ENTREP2: variants seen among roughly 807,000 people sequenced by gnomAD.
ENTREP2 encodes endosomal transmembrane epsin interactor 2, also known as protein ENTREP2.
chr15:29,272,046 T>C, the ENTREP2 span, among the ~76,000 whole-genome samples: 3 of 152,272 alleles, frequency 2.0e-5, no homozygotes, highest in Admixed American at 2.0e-4. Context: ...AGCAGTGTCC[T>C]CCAGCAGCAC....
chr15:29,545,702 C>A, the ENTREP2 span, among the ~76,000 whole-genome samples: 1 of 152,266 alleles, frequency 6.6e-6, no homozygotes, highest in East Asian at 1.9e-4. Context: ...CTGAAGGCCA[C>A]CCTTGTCTCT....
the ENTREP2 span, among the ~76,000 whole-genome samples, chr15:29,502,278 G>GATC: frequency 6.6e-6 from 1 of 151,838 alleles, no homozygotes; most frequent in Non-Finnish European, 1.5e-5. Context: ...CAGTCAAATA[G>GATC]ATCAGTGAAA....
the ENTREP2 span, among the ~76,000 whole-genome samples, chr15:29,423,085 G>A: frequency 1.6e-3 from 245 of 152,266 alleles, no homozygotes; most frequent in African/African-American, 5.7e-3. Context: ...TTCATGCAGA[G>A]TCACGGTGCA....
At chr15:29,648,958 A>T in the ENTREP2 span, among the ~76,000 whole-genome samples, 1 of 151,920 alleles carries the variant, frequency 6.6e-6, no homozygotes, top group South Asian at 2.1e-4. Flanking sequence ...CAACAACAAA[A>T]AAAACTGTAC....
chr15:29,551,637 CAAT>C, the ENTREP2 span, among the ~76,000 whole-genome samples: 2 of 150,854 alleles, frequency 1.3e-5, no homozygotes, highest in African/African-American at 2.4e-5. Context: ...AAAAATAAGA[CAAT>C]GATGGGACTA....
the ENTREP2 span, among the ~76,000 whole-genome samples, chr15:29,205,003 C>T: frequency 1.3e-5 from 2 of 152,286 alleles, no homozygotes; most frequent in East Asian, 1.9e-4. Flanking sequence ...AGGCCCCCAA[C>T]AACTCCCATT....
chr15:29,185,997 C>T, the ENTREP2 span, among the ~76,000 whole-genome samples: 24 of 152,288 alleles, frequency 1.6e-4, no homozygotes, highest in Admixed American at 1.3e-3. Context: ...TGTCCTCTCC[C>T]GTTTGTTTAC....
the ENTREP2 span, among the ~76,000 whole-genome samples, chr15:29,294,700 C>T: frequency 6.6e-6 from 1 of 152,112 alleles, no homozygotes; most frequent in Non-Finnish European, 1.5e-5. Flanking sequence ...ATTAAAACGC[C>T]GTGACTTTCT....
chr15:29,262,047 AAAAT>A, the ENTREP2 span, among the ~76,000 whole-genome samples: 1 of 151,494 alleles, frequency 6.6e-6, no homozygotes, highest in Non-Finnish European at 1.5e-5. Flanking sequence ...AAATACTGAT[AAAAT>A]AAATAAACTC....
the ENTREP2 span, among the ~76,000 whole-genome samples, chr15:29,657,344 C>T: frequency 1.4e-5 from 2 of 147,144 alleles, no homozygotes; most frequent in East Asian, 1.9e-4. Flanking sequence ...TGTTACAGCT[C>T]TCAAAGACGG....
the ENTREP2 span, among the ~76,000 whole-genome samples, chr15:29,218,012 T>C: frequency 2.6e-5 from 4 of 152,128 alleles, no homozygotes; most frequent in African/African-American, 7.2e-5. Context: ...GTGATTGTTG[T>C]CTGTCTTCTG....
the ENTREP2 span, among the ~76,000 whole-genome samples, chr15:29,301,055 A>C: frequency 1.3e-5 from 2 of 151,966 alleles, no homozygotes; most frequent in African/African-American, 4.8e-5. Context: ...ACAGGTGGGA[A>C]GGATGCCTTA....
chr15:29,404,692 G>C, the ENTREP2 span, among the ~76,000 whole-genome samples: 1 of 151,592 alleles, frequency 6.6e-6, no homozygotes, highest in East Asian at 2.0e-4. Flanking sequence ...CCATCCTCCA[G>C]GGTACCCTAA....
the ENTREP2 span, among the ~76,000 whole-genome samples, chr15:29,648,530 G>A: frequency 6.6e-6 from 1 of 152,208 alleles, no homozygotes; most frequent in Non-Finnish European, 1.5e-5. Flanking sequence ...CAGCAAACAT[G>A]AAGTCGAGTA....
At chr15:29,474,402 T>C in the ENTREP2 span, among the ~76,000 whole-genome samples, 1 of 152,222 alleles carries the variant, frequency 6.6e-6, no homozygotes. Flanking sequence ...AACACTGTCA[T>C]GCTTCTCAAA....
At chr15:29,325,879 A>G in the ENTREP2 span, among the ~76,000 whole-genome samples, 1 of 152,184 alleles carries the variant, frequency 6.6e-6, no homozygotes, top group Non-Finnish European at 1.5e-5. Flanking sequence ...GTATGAAAAG[A>G]ATTATATACT....
the ENTREP2 span, among the ~76,000 whole-genome samples, chr15:29,144,752 A>C: frequency 3.9e-5 from 6 of 151,926 alleles, no homozygotes; most frequent in East Asian, 1.9e-4. Flanking sequence ...ACAAAAAAAA[A>C]CATTTAGCCG....
chr15:29,361,158 C>T, the ENTREP2 span, among the ~76,000 whole-genome samples: 13 of 152,340 alleles, frequency 8.5e-5, no homozygotes, highest in East Asian at 2.1e-3. Flanking sequence ...GGCTGAATCC[C>T]ATTCTCACTG....
chr15:29,566,700 G>C, the ENTREP2 span, among the ~76,000 whole-genome samples: 1 of 151,796 alleles, frequency 6.6e-6, no homozygotes, highest in Non-Finnish European at 1.5e-5. Context: ...CCAGTGGTCC[G>C]CCCGCCTCAG....
Sources: gnomAD v4.1 joint callset for allele counts (sites outside exome capture counted in the v4.1 genomes callset) on GRCh38, gnomAD v4.1.1 for gene constraint, MANE v1.5 for transcripts, NCBI Gene and HGNC (gene_info 2026-07-23, HGNC 2026-07-21) for gene names.